CFAP73: variants seen among roughly 807,000 people sequenced by gnomAD.
The protein encoded by CFAP73 is cilia and flagella associated protein 73, also known as cilia- and flagella-associated protein 73.
Under a neutral mutation model 42.9 loss-of-function variants are expected in CFAP73, and 33 were observed. The ratio of observed to expected loss-of-function variants is 0.77; its 90% confidence interval spans 0.58 to 1.03. The LOEUF is 1.03. Ranked by LOEUF, CFAP73 falls within the 50% of genes least tolerant of loss-of-function variation. The probability of loss-of-function intolerance (pLI) is 0.00; values close to 1 mark genes in which losing one functional copy is unlikely to be tolerated. For missense variants in CFAP73, 392 were observed against 411.9 expected (o/e 0.95, Z 0.42); for synonymous variants, 162 against 186.8 (o/e 0.87, Z 1.08).
chr12:113,154,011 C>T lies in CFAP73; in HGVS notation c.469-403C>T, dbSNP rs924195726. Among the ~76,000 whole-genome samples, 5 of 151,128 alleles carry T rather than the reference C, an allele frequency of 3.3e-5. No homozygotes were observed. The highest frequency in any genetic ancestry group is 7.4e-5 in the Non-Finnish European group (5 of 67,802). On this transcript the variant is annotated intron_variant, in intron 4 of 7. Coordinates refer to ENST00000335621, the MANE Select transcript of CFAP73 (RefSeq NM_001144872.3). This position sits in a 1 kb window ranked among gnomAD's most constrained non-coding sequence, Gnocchi z 4.7. Reference sequence around the variant, plus strand: ...ATTCAGAAAGCTAACTCTGGCCGGGCGCGGTGGCTCACGCCTGTAATCCCA... The same window carrying T: ...ATTCAGAAAGCTAACTCTGGCCGGGTGCGGTGGCTCACGCCTGTAATCCCA...
intron 6 of CFAP73, 122 bp from the exon 7 acceptor site, chr12:113,157,480 G>A: frequency 1.3e-6 from 1 of 765,130 alleles, no homozygotes; most frequent in Non-Finnish European, 2.2e-6. Flanking sequence ...CATCATCACT[G>A]TTCTTTTAAT....
rs1416892802 is a variant in CFAP73, at chr12:113,154,583, G to A, written c.638G>A (p.Arg213Gln). ...GAGGTGCTCGCACAGGGCCAGCGGC[G>A]GGCACAGCTGCAGGAGCGCCTGGAG... ...PDEVLAQGQR[R>Q]AQLQERLEAA... Residue 213 changes from arginine to glutamine, a missense_variant, in exon 5 of 8, where the codon CGG becomes CAG. Arg to Gln is a conservative substitution (Grantham distance 43). Coordinates refer to ENST00000335621, the MANE Select transcript of CFAP73 (RefSeq NM_001144872.3). This position sits in a 1 kb window ranked among gnomAD's most constrained non-coding sequence, Gnocchi z 4.7. 3 of 1,428,150 alleles carry A rather than the reference G, an allele frequency of 2.1e-6. No homozygotes were observed. The highest frequency in any genetic ancestry group is 1.5e-5 in the South Asian group (1 of 65,876). The allele number at this position is 1,428,150 out of a possible 1,614,324, so 88.5% of individuals were successfully genotyped here.
rs1952104366 is a variant in CFAP73, at chr12:113,154,933, G to C, written c.690+298G>C. Among the ~76,000 whole-genome samples the C allele has an allele frequency of 6.6e-6, 1 of 152,224 alleles. No homozygotes were observed. The highest frequency in any genetic ancestry group is 2.4e-5 in the African/African-American group (1 of 41,456). ...GCCTGTAATCCCAACACTTTGGGAG[G>C]CCGAAAGGGGCGGATCACCTCAGGT... On this transcript the variant is annotated intron_variant, in intron 5 of 7. Transcript: ENST00000335621. This position sits in a 1 kb window ranked among gnomAD's most constrained non-coding sequence, Gnocchi z 4.7.
At chr12:113,153,845 G>T (rs981473389) in intron 4 of CFAP73, among the ~76,000 whole-genome samples, 8 of 152,004 alleles carry the variant, frequency 5.3e-5, no homozygotes, top group Non-Finnish European at 1.0e-4. Flanking sequence ...AAGCGATCCT[G>T]CCACCTCCGC....
At chr12:113,152,098 G>C (rs1482947727) in intron 2 of CFAP73, 75 bp downstream of exon 2, 3 of 1,059,526 alleles carry the variant, frequency 2.8e-6, no homozygotes, top group Non-Finnish European at 2.8e-6. Context: ...TAGTGACAAG[G>C]TCTGAGACAA....
rs1199664079 is a variant in CFAP73 at position 113,153,271 on chromosome 12, C to G, written c.331C>G (p.Arg111Gly). Reference protein sequence around the residue: ...RAAEERHQAGRREVEALRLWT... With the variant: ...RAAEERHQAGGREVEALRLWT... ...GGCGGAGGAGAGGCACCAGGCGGGC[C>G]GTCGGGAGGTGGAGGCGCTGCGTCT... Residue 111 changes from arginine (R) to glycine (G), a missense_variant, in exon 4 of 8, where the codon CGT (arginine) becomes GGT (glycine). By Grantham distance (125) the Arg-to-Gly change is moderately radical. Transcript: ENST00000335621. 8 of 1,517,970 alleles carry G rather than the reference C, an allele frequency of 5.3e-6. No individual in the cohort carries two copies. Among genetic ancestry groups the G allele is most frequent in the Admixed American group, 4.2e-5 (2 of 47,620 alleles). 94.0% of individuals were successfully genotyped at this position (1,517,970 alleles called of 1,614,324 possible).
At chr12:113,150,344 A>G (rs1004571766) in intron 1 of CFAP73, among the ~76,000 whole-genome samples, 3 of 152,096 alleles carry the variant, frequency 2.0e-5, no homozygotes, top group Admixed American at 6.6e-5. Context: ...ACGGCTGGGA[A>G]AGCCTTGCTG....
intron 6 of CFAP73, among the ~76,000 whole-genome samples, chr12:113,156,180 A>T (rs756424310): frequency 6.6e-6 from 1 of 152,132 alleles, no homozygotes; most frequent in Non-Finnish European, 1.5e-5. Flanking sequence ...TCAGCCTCCC[A>T]AAGTGCTAGG....
In CFAP73 at chr12:113,154,147, C is replaced by A. The variant is rs1372531941; in HGVS notation, c.469-267C>A. 1.3e-5 allele frequency among the ~76,000 whole-genome samples: 2 copies of A among 151,962 alleles called. No individual in the cohort carries two copies. Among genetic ancestry groups the A allele is most frequent in the Non-Finnish European group, 2.9e-5 (2 of 67,994 alleles). On this transcript the variant is annotated intron_variant, in intron 4 of 7. Coordinates refer to ENST00000335621, the MANE Select transcript of CFAP73 (RefSeq NM_001144872.3). This position sits in a 1 kb window ranked among gnomAD's most constrained non-coding sequence, Gnocchi z 4.7. Reference sequence around the variant, plus strand: ...ACAAAAAATTAGTCGGGCGTGGTGGCGTGTGACTATAGTCCCAGCTACTTT... The same window carrying A: ...ACAAAAAATTAGTCGGGCGTGGTGGAGTGTGACTATAGTCCCAGCTACTTT...
chr12:113,159,260 A>C lies in CFAP73; in HGVS notation c.*571A>C. On this transcript the variant is annotated 3_prime_UTR_variant, in exon 8 of 8. Transcript: ENST00000335621. The stretch of plus-strand genomic sequence containing the variant: ...TCTGTACACAGTAGGTGGCTAATAA[A>C]GTTTTAGGCAGCCTCATGGAGTGGT... 1.2e-6 allele frequency: 1 copy of C among 842,790 alleles called. No individual in the cohort carries two copies. The highest frequency in any genetic ancestry group is 1.8e-6 in the Non-Finnish European group (1 of 564,158). The allele number at this position is 842,790 out of a possible 1,614,324, so 52.2% of individuals were successfully genotyped here.
In CFAP73 at chr12:113,152,831, G is replaced by C; in HGVS notation, c.211G>C (p.Glu71Gln). Residue 71 changes from glutamate (E) to glutamine (Q), a missense_variant, in exon 3 of 8, where the codon GAA becomes CAA. Physicochemically the swap from Glu to Gln is conservative, Grantham distance 29. Coordinates refer to ENST00000335621, the MANE Select transcript of CFAP73 (RefSeq NM_001144872.3). ...CCTGAAACAGCGTTGGGAACAGCTGGAACAAAAGGAGCGGGAGCTAAAGGG... is the reference window on the plus strand; with the variant it reads ...CCTGAAACAGCGTTGGGAACAGCTGCAACAAAAGGAGCGGGAGCTAAAGGG... ...AALKQRWEQLEQKERELKGSF... is the reference protein window; with the variant it reads ...AALKQRWEQLQQKERELKGSF... The C allele has an allele frequency of 1.3e-6, 2 of 1,551,708 alleles. No individual in the cohort carries two copies. Among genetic ancestry groups the C allele is most frequent in the Non-Finnish European group, 1.7e-6 (2 of 1,146,992 alleles).
At chr12:113,150,869 C>G (rs940533030) in intron 1 of CFAP73, among the ~76,000 whole-genome samples, 9 of 152,154 alleles carry the variant, frequency 5.9e-5, no homozygotes, top group African/African-American at 2.2e-4. Flanking sequence ...CTAGCCACAC[C>G]AGGGTCCTAG....
chr12:113,157,406 G>T (rs1172073554), intron 6 of CFAP73, 196 bp from the exon 7 acceptor site: 2 of 592,208 alleles, frequency 3.4e-6, no homozygotes, highest in Non-Finnish European at 6.0e-6. Context: ...AGTTGGGAAG[G>T]TTGGCCTGAG....
In CFAP73 at chr12:113,158,567, C is replaced by T; in HGVS notation, c.*12-134C>T. On this transcript the variant is annotated intron_variant, in intron 7 of 7. Transcript: ENST00000335621. The surrounding 1 kb of genome is among the most constrained non-coding windows in gnomAD (Gnocchi z 4.9). ...GAGGCACTCAGGGCTCTGACCGGTG[C>T]AGCCATGACCTCTGAACCCAGAACA... 2.9e-6 allele frequency: 1 copy of T among 341,834 alleles called. No individual in the cohort carries two copies. The allele number at this position is 341,834 out of a possible 1,614,324, so 21.2% of individuals were successfully genotyped here. A position where few individuals can be genotyped will look rare whatever the true frequency, so the allele number is the denominator to read the frequency against.
rs1202504430 is a variant in CFAP73 at position 113,159,188 on chromosome 12, C to T, written c.*499C>T. On this transcript the variant is annotated 3_prime_UTR_variant, in exon 8 of 8. Transcript: ENST00000335621. ...CCTCCTCCCAGAAGCTTGCAGACTCCTCCCCTGCCCCTACTCCTGTTCTGT... is the reference window on the plus strand; with the variant it reads ...CCTCCTCCCAGAAGCTTGCAGACTCTTCCCCTGCCCCTACTCCTGTTCTGT... 4 of 1,410,662 alleles carry T rather than the reference C, an allele frequency of 2.8e-6. No homozygotes were observed. In the South Asian group the frequency reaches 3.9e-5, roughly 14 times the overall value. 87.4% of individuals were successfully genotyped at this position (1,410,662 alleles called of 1,614,324 possible).
chr12:113,152,730 T>C, intron 2 of CFAP73, 53 bp from the exon 3 acceptor site: 6 of 1,304,116 alleles, frequency 4.6e-6, no homozygotes, highest in Non-Finnish European at 6.5e-6. Context: ...CCTGACAGCA[T>C]GGGAGGACCC....
At chr12:113,157,792 A>C in intron 7 of CFAP73, 102 bp downstream of exon 7, 1 of 874,020 alleles carries the variant, frequency 1.1e-6, no homozygotes, top group South Asian at 1.5e-5. Flanking sequence ...CCGTTTCCTC[A>C]TTGGGAAGAT....
intron 1 of CFAP73, among the ~76,000 whole-genome samples, chr12:113,150,304 A>G (rs1289344321): frequency 6.6e-6 from 1 of 152,180 alleles, no homozygotes; most frequent in African/African-American, 2.4e-5. Context: ...CAGCATCTGT[A>G]AAATGGGGAG....
intron 1 of CFAP73, among the ~76,000 whole-genome samples, chr12:113,150,977 C>T (rs1457787585): frequency 6.6e-6 from 1 of 152,144 alleles, no homozygotes; most frequent in Non-Finnish European, 1.5e-5. Context: ...TTCCTTTAGT[C>T]CACTTAATTT....
Sources: allele counts gnomAD v4.1 joint callset (sites outside exome capture counted in the v4.1 genomes callset), GRCh38; gene constraint gnomAD v4.1.1; non-coding constraint Gnocchi (gnomAD v3.1); transcripts MANE v1.5; gene names NCBI Gene and HGNC (gene_info 2026-07-23, HGNC 2026-07-21).